STK38L: variants seen among roughly 807,000 people sequenced by gnomAD.
STK38L encodes serine/threonine kinase 38 like.
A neutral mutation model predicts 59.7 loss-of-function variants in STK38L; 28 were observed. The observed-to-expected ratio is 0.47, with a 90% CI of 0.35 to 0.64. STK38L has a LOEUF of 0.64. STK38L is among the 30% of genes least tolerant of loss of function. The pLI, the probability that STK38L is intolerant of heterozygous loss-of-function variation, is 0.01. For synonymous variants in STK38L, 162 were observed against 176.8 expected (o/e 0.92, Z 0.66); for missense variants, 314 against 555.8 (o/e 0.56, Z 4.37).
rs1485265127 is a variant in STK38L at position 27,249,064 on chromosome 12, A to C, written c.-12+4732A>C. Among the ~76,000 whole-genome samples, 2 of 152,344 alleles carry C rather than the reference A, an allele frequency of 1.3e-5. 1 individual carries two copies. The highest frequency in any genetic ancestry group is 3.9e-4 in the East Asian group (2 of 5,184). On this transcript the variant is annotated intron_variant, in intron 1 of 13. Coordinates refer to ENST00000389032, the MANE Select transcript of STK38L (RefSeq NM_015000.4). ...AAGGTGTGTGAGTAGGTCTATCAAAAGAAAACCAGTCATACTGTTACCTCC... is the reference window on the plus strand; with the variant it reads ...AAGGTGTGTGAGTAGGTCTATCAAACGAAAACCAGTCATACTGTTACCTCC...
chr12:27,294,022 G>T (rs1184098534), intron 1 of STK38L, among the ~76,000 whole-genome samples: 1 of 152,184 alleles, frequency 6.6e-6, no homozygotes, highest in Non-Finnish European at 1.5e-5. Flanking sequence ...ATCGTAGGGT[G>T]TTGCTCTTTA....
At chr12:27,273,845 T>G (rs1304623681) in intron 1 of STK38L, among the ~76,000 whole-genome samples, 1 of 152,250 alleles carries the variant, frequency 6.6e-6, no homozygotes, top group East Asian at 1.9e-4. Context: ...CAAATGAAGA[T>G]AATATGTTTT....
intron 1 of STK38L, among the ~76,000 whole-genome samples, chr12:27,286,570 A>G (rs537980391): frequency 5.8e-4 from 89 of 152,266 alleles, no homozygotes; most frequent in African/African-American, 2.1e-3. Context: ...TCATCATTCC[A>G]TCAATCATTT....
At chr12:27,281,800 C>T (rs1385968545) in intron 1 of STK38L, among the ~76,000 whole-genome samples, 6 of 151,952 alleles carry the variant, frequency 3.9e-5, no homozygotes, top group South Asian at 2.1e-4. Flanking sequence ...TTTGGGAGGC[C>T]GAGACGGGTG....
chr12:27,256,217 T>C (rs1351286662), intron 1 of STK38L, among the ~76,000 whole-genome samples: 1 of 152,252 alleles, frequency 6.6e-6, no homozygotes, highest in Non-Finnish European at 1.5e-5. Context: ...GCTGCCACAA[T>C]GACTGTCCTA....
chr12:27,306,097 T>G (rs1944304579), intron 3 of STK38L, among the ~76,000 whole-genome samples: 3 of 152,202 alleles, frequency 2.0e-5, no homozygotes. Context: ...GTGATGCTCA[T>G]TTTTATAGAA....
At chr12:27,300,870 A>G (rs894858111) in intron 2 of STK38L, among the ~76,000 whole-genome samples, 2 of 152,226 alleles carry the variant, frequency 1.3e-5, no homozygotes, top group Admixed American at 6.5e-5. Flanking sequence ...ATGGTTTAGT[A>G]AAAAAGCTTA....
intron 1 of STK38L, among the ~76,000 whole-genome samples, chr12:27,260,609 C>A (rs1164239684): frequency 6.6e-6 from 1 of 152,130 alleles, no homozygotes; most frequent in East Asian, 1.9e-4. Context: ...TGCTTCAGGG[C>A]CTTTGCACTT....
intron 1 of STK38L, among the ~76,000 whole-genome samples, chr12:27,263,970 T>A (rs569717718): frequency 6.6e-6 from 1 of 152,184 alleles, no homozygotes; most frequent in Non-Finnish European, 1.5e-5. Flanking sequence ...TAAATACAAG[T>A]AAAGGGGAAA....
At chr12:27,302,774 A>C (rs1262180587) in intron 3 of STK38L, among the ~76,000 whole-genome samples, 1 of 151,868 alleles carries the variant, frequency 6.6e-6, no homozygotes, top group African/African-American at 2.4e-5. Context: ...TAATCCCAGC[A>C]CTTTGGGAGG....
intron 12 of STK38L, among the ~76,000 whole-genome samples, chr12:27,321,151 A>C (rs1421446110): frequency 3.3e-5 from 5 of 152,200 alleles, no homozygotes; most frequent in Non-Finnish European, 7.3e-5. Context: ...AAAGTAGTAT[A>C]CTAAGTATAA....
At chr12:27,255,392 TAC>T (rs1943070871) in intron 1 of STK38L, among the ~76,000 whole-genome samples, 1 of 152,242 alleles carries the variant, frequency 6.6e-6, no homozygotes, top group Non-Finnish European at 1.5e-5. Flanking sequence ...TTTTAGAACT[TAC>T]ACAAGATATT....
rs1276415303 is a variant in STK38L at position 27,322,483 on chromosome 12, G to A, written c.*28G>A. On this transcript the variant is annotated 3_prime_UTR_variant, in exon 14 of 14. Transcript: ENST00000389032. ...GAAGATAACATTCACCCATAACCAA[G>A]AGAACTCAGGTAGCTGCATCACCAG... 1 of 1,603,090 alleles carries A rather than the reference G, an allele frequency of 6.2e-7. No homozygotes were observed. The highest frequency in any genetic ancestry group is 1.7e-5 in the Admixed American group (1 of 57,262).
At chr12:27,255,210 T>C (rs1376331700) in intron 1 of STK38L, among the ~76,000 whole-genome samples, 2 of 152,186 alleles carry the variant, frequency 1.3e-5, no homozygotes, top group Non-Finnish European at 2.9e-5. Context: ...GCTGGGAACA[T>C]GTGTTTGAAT....
intron 1 of STK38L, among the ~76,000 whole-genome samples, chr12:27,246,237 AAAGT>A (rs1342004731): frequency 3.3e-5 from 5 of 152,188 alleles, no homozygotes; most frequent in African/African-American, 1.2e-4. Flanking sequence ...CTGTTCTCTT[AAAGT>A]AAGGAGAGCA....
intron 1 of STK38L, among the ~76,000 whole-genome samples, chr12:27,275,861 A>G (rs994784954): frequency 7.2e-5 from 11 of 152,314 alleles, no homozygotes; most frequent in East Asian, 5.8e-4. Context: ...TATAAATCCA[A>G]TAATCATGAT....
intron 2 of STK38L, among the ~76,000 whole-genome samples, chr12:27,298,798 T>C (rs1944093773): frequency 6.6e-6 from 1 of 152,188 alleles, no homozygotes; most frequent in African/African-American, 2.4e-5. Context: ...TCAGGCAGTG[T>C]CCAATTTCGC....
At chr12:27,285,142 G>A (rs1378786377) in intron 1 of STK38L, among the ~76,000 whole-genome samples, 1 of 152,170 alleles carries the variant, frequency 6.6e-6, no homozygotes, top group South Asian at 2.1e-4. Flanking sequence ...TACCCCCAAA[G>A]GACTGCTGCT....
intron 1 of STK38L, among the ~76,000 whole-genome samples, chr12:27,269,142 T>C (rs1314742965): frequency 6.6e-6 from 1 of 152,232 alleles, no homozygotes; most frequent in Non-Finnish European, 1.5e-5. Context: ...CATTTGTCAA[T>C]TTTGGCTTTT....
Sources: allele counts gnomAD v4.1 joint callset (sites outside exome capture counted in the v4.1 genomes callset), GRCh38; gene constraint gnomAD v4.1.1; transcripts MANE v1.5; gene names NCBI Gene and HGNC (gene_info 2026-07-23, HGNC 2026-07-21).